TMEM140: variants seen among roughly 807,000 people sequenced by gnomAD.
TMEM140 encodes the protein transmembrane protein 140.
For missense variants in TMEM140, 236 were observed against 228.5 expected (o/e 1.03, Z -0.21); for synonymous variants, 107 against 106.8 (o/e 1.00, Z -0.01).
intron 1 of TMEM140, among the ~76,000 whole-genome samples, chr7:135,160,025 CTATGATACAGCTAT>C (rs1829888170): frequency 1.3e-5 from 2 of 152,172 alleles, no homozygotes; most frequent in African/African-American, 2.4e-5. Context: ...AAACTATAAA[CTATGATACAGCTAT>C]ATGCAGCCCT....
Position 135,148,282 on chromosome 7 carries a change from T to A in TMEM140, c.-25+12T>A. On this transcript the variant is annotated intron_variant, in intron 1 of 1. Coordinates refer to ENST00000275767, the MANE Select transcript of TMEM140 (RefSeq NM_018295.5). ...TGCACCTCCTTTCTGTAAGTACCGA[T>A]CCTGCAAGCATCACAGCTTACCCAG... 2.8e-6 allele frequency: 1 copy of A among 360,030 alleles called. No individual in the cohort carries two copies. Among genetic ancestry groups the A allele is most frequent in the Non-Finnish European group, 5.4e-6 (1 of 183,762 alleles). The allele number at this position is 360,030 out of a possible 1,614,324, so 22.3% of individuals were successfully genotyped here.
Position 135,164,646 on chromosome 7 carries a change from G to A in TMEM140, c.205G>A (p.Glu69Lys). The A allele has an allele frequency of 6.2e-7, 1 of 1,613,282 alleles. No homozygotes were observed. The highest frequency in any genetic ancestry group is 1.1e-5 in the South Asian group (1 of 91,086). Residue 69 changes from glutamate (E) to lysine (K), a missense_variant, in exon 2 of 2, where the codon GAG (glutamate) becomes AAG (lysine). Coordinates refer to ENST00000275767, the MANE Select transcript of TMEM140 (RefSeq NM_018295.5). ...CACCCTACAGTGTCACCAGTTCCCT[G>A]AGCTGGAAGCCCTGGGGGTGCCTCG... is the stretch of plus-strand genomic sequence containing the variant. ...TSTLQCHQFP[E>K]LEALGVPRVG...
At chr7:135,160,467 G>T (rs1829901603) in intron 1 of TMEM140, among the ~76,000 whole-genome samples, 2 of 152,156 alleles carry the variant, frequency 1.3e-5, no homozygotes, top group Non-Finnish European at 2.9e-5. Context: ...GTGTCATGGG[G>T]TTTCCAACCA....
In TMEM140 at chr7:135,161,093, A is replaced by G. The variant is rs1205849334; in HGVS notation, c.-24-3325A>G. Among the ~76,000 whole-genome samples, 4 of 152,338 alleles carry G rather than the reference A, an allele frequency of 2.6e-5. No individual in the cohort carries two copies. The East Asian group carries it at 7.7e-4, about 29-fold the overall frequency. On this transcript the variant is annotated intron_variant, in intron 1 of 1. Transcript: ENST00000275767. This position sits in a 1 kb window ranked among gnomAD's most constrained non-coding sequence, Gnocchi z 4.1. ...GTCGCACCAGATGATGGCGAGCCTCATAAGAGCTGGGACTGAATATAAAAA... is the reference window on the plus strand; with the variant it reads ...GTCGCACCAGATGATGGCGAGCCTCGTAAGAGCTGGGACTGAATATAAAAA...
At chr7:135,154,882 A>G (rs1163758616) in intron 1 of TMEM140, among the ~76,000 whole-genome samples, 1 of 152,154 alleles carries the variant, frequency 6.6e-6, no homozygotes, top group Non-Finnish European at 1.5e-5. Context: ...TTTAAGTACA[A>G]TGTTTCTTTG....
At chr7:135,157,518 G>A (rs1187764000) in intron 1 of TMEM140, among the ~76,000 whole-genome samples, 1 of 152,258 alleles carries the variant, frequency 6.6e-6, no homozygotes, top group African/African-American at 2.4e-5. Flanking sequence ...CTGGTGGTTA[G>A]TGGGTCTTGG....
At chr7:135,150,288 A>C (rs981894885) in intron 1 of TMEM140, among the ~76,000 whole-genome samples, 3 of 152,206 alleles carry the variant, frequency 2.0e-5, no homozygotes, top group Non-Finnish European at 2.9e-5. Flanking sequence ...CCCTGACCCT[A>C]TAATCTAGTC....
chr7:135,153,430 G>A (rs1829710342), intron 1 of TMEM140, among the ~76,000 whole-genome samples: 1 of 125,982 alleles, frequency 7.9e-6, no homozygotes, highest in Non-Finnish European at 1.6e-5. Context: ...CTCCAGCCTG[G>A]GCAACACAGC....
At chr7:135,149,075 C>T (rs975038724) in intron 1 of TMEM140, among the ~76,000 whole-genome samples, 12 of 152,274 alleles carry the variant, frequency 7.9e-5, no homozygotes, top group African/African-American at 2.9e-4. Flanking sequence ...AGACTCAGTC[C>T]ATGAGATATT....
At position 135,164,548 on chromosome 7, in the gene TMEM140, C is replaced by G. The variant is rs1310943281; in HGVS notation, c.107C>G (p.Ala36Gly). The G allele has an allele frequency of 1.2e-6, 2 of 1,614,076 alleles. No individual in the cohort carries two copies. Among genetic ancestry groups the G allele is most frequent in the African/African-American group, 1.3e-5 (1 of 74,944 alleles). ...ATGTTTTACGCTCTTCTCTGGGAGG[C>G]TGGCAACCTCACTGACCTGCCCAAC... ...CLMFYALLWE[A>G]GNLTDLPNLR... Residue 36 changes from alanine to glycine, a missense_variant, in exon 2 of 2, where the codon GCT becomes GGT. Physicochemically the swap from Ala to Gly is moderately conservative, Grantham distance 60 (BLOSUM62 0). Transcript: ENST00000275767.
intron 1 of TMEM140, 46 bp from the exon 2 acceptor site, chr7:135,164,372 G>T (rs937751867): frequency 3.2e-5 from 46 of 1,451,564 alleles, no homozygotes; most frequent in Non-Finnish European, 4.3e-5. Flanking sequence ...TGGACACAGG[G>T]AACAAGCAAG....
chr7:135,149,049 CA>C (rs1374038698), intron 1 of TMEM140, among the ~76,000 whole-genome samples: 3 of 152,154 alleles, frequency 2.0e-5, no homozygotes, highest in Admixed American at 1.3e-4. Flanking sequence ...CCCCATTCCC[CA>C]AAATCTCAGG....
rs902347822 is a variant in TMEM140, at chr7:135,151,496, G to A, written c.-25+3226G>A. Among the ~76,000 whole-genome samples the A allele has an allele frequency of 3.9e-5, 6 of 152,092 alleles. No individual in the cohort carries two copies. The highest frequency in any genetic ancestry group is 1.9e-4 in the East Asian group (1 of 5,190). On this transcript the variant is annotated intron_variant, in intron 1 of 1. Transcript: ENST00000275767. The surrounding 1 kb of genome is among the most constrained non-coding windows in gnomAD (Gnocchi z 4.3). The stretch of plus-strand genomic sequence containing the variant: ...ATGCCCTGGCAAGCTCTGTTGCCCC[G>A]GCTTTATTCTGCTAACATTTTCTTC...
chr7:135,152,260 C>A (rs890231012), intron 1 of TMEM140, among the ~76,000 whole-genome samples: 1 of 152,210 alleles, frequency 6.6e-6, no homozygotes, highest in Non-Finnish European at 1.5e-5. Flanking sequence ...AAGGTCCATG[C>A]TCAGAACCAG....
At position 135,164,736 on chromosome 7, in the gene TMEM140, C is replaced by T; in HGVS notation, c.295C>T (p.Gln99Ter). The change falls in exon 2 of 2, where the codon CAG (glutamine) becomes TAG (stop). Residue 99 changes from glutamine to a stop codon, truncating the protein, a stop_gained. Coordinates refer to ENST00000275767, the MANE Select transcript of TMEM140 (RefSeq NM_018295.5). LOFTEE classifies it low-confidence loss of function (END_TRUNC). ...GSLVLTLFAP[Q>*]PLLLAQCNSD... is the part of the protein sequence containing the mutation. Reference sequence around the variant, plus strand: ...CCTGGTCCTCACCCTCTTTGCCCCCCAGCCTCTCCTCCTAGCCCAGTGCAA... The same window carrying T: ...CCTGGTCCTCACCCTCTTTGCCCCCTAGCCTCTCCTCCTAGCCCAGTGCAA... The T allele has an allele frequency of 1.2e-6, 2 of 1,614,232 alleles. No individual in the cohort carries two copies. The highest frequency in any genetic ancestry group is 1.7e-6 in the Non-Finnish European group (2 of 1,180,032).
In TMEM140 at chr7:135,164,527, T is replaced by A. The variant is rs911838839; in HGVS notation, c.86T>A (p.Phe29Tyr). 3.1e-6 allele frequency: 5 copies of A among 1,614,032 alleles called. No individual in the cohort carries two copies. The African/African-American group carries it at 6.7e-5, about 22-fold the overall frequency. Residue 29 changes from phenylalanine (F) to tyrosine (Y), a missense_variant, in exon 2 of 2, where the codon TTT becomes TAT. By Grantham distance (22) the Phe-to-Tyr change is conservative. Coordinates refer to ENST00000275767, the MANE Select transcript of TMEM140 (RefSeq NM_018295.5). ...VLVIVVICLMFYALLWEAGNL... is the reference protein window; with the variant it reads ...VLVIVVICLMYYALLWEAGNL... ...GTGATTGTGGTCATCTGCCTGATGT[T>A]TTACGCTCTTCTCTGGGAGGCTGGC...
chr7:135,163,235 ACAT>A (rs1214636800), intron 1 of TMEM140, among the ~76,000 whole-genome samples: 1 of 152,242 alleles, frequency 6.6e-6, no homozygotes, highest in African/African-American at 2.4e-5. Flanking sequence ...ATTACATTCA[ACAT>A]CATGATTATG....
At position 135,165,840 on chromosome 7, in the gene TMEM140, A is replaced by C. The variant is rs1398019770; in HGVS notation, c.*841A>C. On this transcript the variant is annotated 3_prime_UTR_variant, in exon 2 of 2. Coordinates refer to ENST00000275767, the MANE Select transcript of TMEM140 (RefSeq NM_018295.5). ...TTGTGTATTGGAAAACCTGTATGGC[A>C]GTGATTTATTCATATATTCCTGTCC... 3 of 167,158 alleles carry C rather than the reference A, an allele frequency of 1.8e-5. No homozygotes were observed. The highest frequency in any genetic ancestry group is 2.9e-5 in the Non-Finnish European group (2 of 68,144). The allele number at this position is 167,158 out of a possible 1,614,324, so 10.4% of individuals were successfully genotyped here.
At chr7:135,160,746 A>C (rs1829912856) in intron 1 of TMEM140, among the ~76,000 whole-genome samples, 1 of 151,548 alleles carries the variant, frequency 6.6e-6, no homozygotes, top group South Asian at 2.1e-4. Flanking sequence ...AAAAAAAAAA[A>C]ACAAAAAAAA....
Sources: allele counts gnomAD v4.1 joint callset (sites outside exome capture counted in the v4.1 genomes callset), GRCh38; gene constraint gnomAD v4.1.1; non-coding constraint Gnocchi (gnomAD v3.1); transcripts MANE v1.5; gene names NCBI Gene and HGNC (gene_info 2026-07-23, HGNC 2026-07-21).